The following PABPC4L variants were observed in gnomAD, a reference collection of about 807,000 sequenced individuals.
PABPC4L encodes poly(A) binding protein cytoplasmic 4 like.
For synonymous variants in PABPC4L, 169 were observed against 164.1 expected, an observed-to-expected ratio of 1.03 and a Z score of -0.23; for missense variants, 452 against 451.4, an observed-to-expected ratio of 1.00 and a Z score of -0.01.
At chr4:134,013,213 T>C in the PABPC4L span, among the ~76,000 whole-genome samples, 2 of 151,940 alleles carry the variant, frequency 1.3e-5, no homozygotes, top group Non-Finnish European at 2.9e-5. Context: ...AGTCCCACTT[T>C]TCTGGGGGAG....
At chr4:134,155,311 A>G in the PABPC4L span, among the ~76,000 whole-genome samples, 1 of 151,886 alleles carries the variant, frequency 6.6e-6, no homozygotes, top group South Asian at 2.1e-4. Context: ...TTTTCTTACA[A>G]ACTCTGATAA....
the PABPC4L span, among the ~76,000 whole-genome samples, chr4:134,161,401 G>T: frequency 6.6e-6 from 1 of 151,764 alleles, no homozygotes; most frequent in African/African-American, 2.4e-5. Flanking sequence ...ACAAACACAA[G>T]GATAAACAAA....
the PABPC4L span, among the ~76,000 whole-genome samples, chr4:133,981,992 A>G: frequency 2.0e-5 from 3 of 151,994 alleles, no homozygotes; most frequent in Admixed American, 6.6e-5. Context: ...AAGTTACTGT[A>G]TAGGGACATA....
the PABPC4L span, among the ~76,000 whole-genome samples, chr4:134,059,535 A>G: frequency 6.6e-6 from 1 of 151,336 alleles, no homozygotes; most frequent in African/African-American, 2.4e-5. Context: ...GTTTATGTTC[A>G]CCTATATACA....
chr4:133,964,403 G>A, the PABPC4L span, among the ~76,000 whole-genome samples: 5 of 151,612 alleles, frequency 3.3e-5, no homozygotes, highest in Non-Finnish European at 1.5e-5. Context: ...CAAAGAATTG[G>A]TACCAATCCT....
chr4:134,133,292 A>G, the PABPC4L span, among the ~76,000 whole-genome samples: 1 of 140,476 alleles, frequency 7.1e-6, no homozygotes, highest in Admixed American at 7.3e-5. Flanking sequence ...TATAATTGAT[A>G]TATTAATTAT....
chr4:133,975,119 A>G, the PABPC4L span, among the ~76,000 whole-genome samples: 2 of 152,140 alleles, frequency 1.3e-5, no homozygotes, highest in East Asian at 1.9e-4. Context: ...TGAAAATTGG[A>G]TCAACAAAAT....
the PABPC4L span, among the ~76,000 whole-genome samples, chr4:134,183,305 T>C: frequency 4.6e-5 from 7 of 151,758 alleles, no homozygotes; most frequent in African/African-American, 1.7e-4. Flanking sequence ...TGTCCTCTGT[T>C]GCAACATAGA....
At chr4:134,103,999 C>T in the PABPC4L span, among the ~76,000 whole-genome samples, 8 of 151,464 alleles carry the variant, frequency 5.3e-5, no homozygotes, top group Admixed American at 4.0e-4. Context: ...TGATTAAATG[C>T]TTTAGGTACA....
the PABPC4L span, among the ~76,000 whole-genome samples, chr4:133,982,807 G>A: frequency 6.6e-6 from 1 of 151,874 alleles, no homozygotes; most frequent in Non-Finnish European, 1.5e-5. Flanking sequence ...TAATTACTCA[G>A]AAGTAATTTT....
chr4:134,048,316 C>A, the PABPC4L span, among the ~76,000 whole-genome samples: 1 of 152,008 alleles, frequency 6.6e-6, no homozygotes, highest in Non-Finnish European at 1.5e-5. Context: ...AGAACTGTAA[C>A]CATTTTAAAA....
chr4:134,086,939 C>T, the PABPC4L span, among the ~76,000 whole-genome samples: 1 of 151,752 alleles, frequency 6.6e-6, no homozygotes, highest in Non-Finnish European at 1.5e-5. Context: ...TCTCCCAATG[C>T]TATCCCTCCC....
chr4:134,048,421 G>A, the PABPC4L span, among the ~76,000 whole-genome samples: 2 of 152,052 alleles, frequency 1.3e-5, no homozygotes, highest in Non-Finnish European at 2.9e-5. Flanking sequence ...CATGAGGAAT[G>A]AACTTACATA....
At chr4:134,126,973 C>T in the PABPC4L span, among the ~76,000 whole-genome samples, 2 of 152,062 alleles carry the variant, frequency 1.3e-5, no homozygotes, top group African/African-American at 4.8e-5. Context: ...TGGCTGAGAG[C>T]CGTATGGGCG....
the PABPC4L span, among the ~76,000 whole-genome samples, chr4:133,988,412 C>T: frequency 2.6e-5 from 4 of 152,142 alleles, no homozygotes; most frequent in South Asian, 2.1e-4. Flanking sequence ...ACATCCACTC[C>T]AAATTGGAGA....
chr4:133,971,506 G>A, the PABPC4L span, among the ~76,000 whole-genome samples: 3 of 152,124 alleles, frequency 2.0e-5, no homozygotes, highest in Admixed American at 6.5e-5. Flanking sequence ...AGCCAGTTTC[G>A]TGTCTAGCAT....
the PABPC4L span, among the ~76,000 whole-genome samples, chr4:134,074,888 G>T: frequency 6.6e-6 from 1 of 151,916 alleles, no homozygotes; most frequent in South Asian, 2.1e-4. Flanking sequence ...CCTCCCACTG[G>T]GTCCCTCCCA....
chr4:134,065,070 T>A, the PABPC4L span, among the ~76,000 whole-genome samples: 1 of 152,088 alleles, frequency 6.6e-6, no homozygotes, highest in Non-Finnish European at 1.5e-5. Context: ...TTTTCAGGTG[T>A]CTTTGTGATA....
the PABPC4L span, among the ~76,000 whole-genome samples, chr4:134,071,923 C>T: frequency 6.6e-6 from 1 of 151,934 alleles, no homozygotes; most frequent in Non-Finnish European, 1.5e-5. Flanking sequence ...AAGAGGGGTT[C>T]CTTTAGACTT....
Sources: allele counts gnomAD v4.1 joint callset (sites outside exome capture counted in the v4.1 genomes callset), GRCh38; gene constraint gnomAD v4.1.1; transcripts MANE v1.5; gene names NCBI Gene and HGNC (gene_info 2026-07-23, HGNC 2026-07-21).